ARID2: variants seen among roughly 807,000 people sequenced by gnomAD.
ARID2 encodes AT-rich interaction domain 2.
In ARID2, 32 loss-of-function variants were observed where a neutral mutation model predicts 184.6. The ratio of observed to expected loss-of-function variants is 0.17; its 90% CI spans 0.13 to 0.23. The LOEUF (loss-of-function observed/expected upper bound fraction) is 0.23, where lower values mean the gene tolerates loss of function less well. ARID2 is among the 10% of genes least tolerant of loss of function. ARID2 has a pLI of 1.00. For synonymous variants in ARID2, 836 were observed against 772.6 expected (o/e 1.08, Z -1.36); for missense variants, 1,696 against 2,197.6 (o/e 0.77, Z 4.56).
At chr12:45,845,724 TGGAGCTTGCCTAG>T (rs1277503164) in intron 11 of ARID2, among the ~76,000 whole-genome samples, 1 of 152,202 alleles carries the variant, frequency 6.6e-6, no homozygotes, top group Non-Finnish European at 1.5e-5. Context: ...GGCTGTACTA[TGGAGCTTGCCTAG>T]TTCCAATAAT....
intron 3 of ARID2, among the ~76,000 whole-genome samples, chr12:45,738,333 G>A (rs2137973905): frequency 6.6e-6 from 1 of 151,932 alleles, no homozygotes; most frequent in Non-Finnish European, 1.5e-5. Flanking sequence ...ATTTATTTTT[G>A]AGACGGAGTT....
intron 3 of ARID2, among the ~76,000 whole-genome samples, chr12:45,751,072 C>T (rs10880855): frequency 0.48 from 72,540 of 151,892 alleles, 17,579 homozygotes; most frequent in Admixed American, 0.56. Flanking sequence ...AATTATTTCC[C>T]CTTTAGAGTG....
At chr12:45,796,878 A>G (rs1289728090) in intron 3 of ARID2, among the ~76,000 whole-genome samples, 4 of 152,170 alleles carry the variant, frequency 2.6e-5, no homozygotes, top group Non-Finnish European at 4.4e-5. Context: ...TCATGTTTTT[A>G]ATGCTTTTAT....
chr12:45,847,004 T>A, intron 12 of ARID2, 67 bp downstream of exon 12: 3 of 1,394,608 alleles, frequency 2.2e-6, no homozygotes, highest in Non-Finnish European at 3.0e-6. Flanking sequence ...AAAGGAAATG[T>A]ATTCTACAGA....
At chr12:45,788,964 C>G (rs1942244521) in intron 3 of ARID2, among the ~76,000 whole-genome samples, 1 of 152,140 alleles carries the variant, frequency 6.6e-6, no homozygotes, top group South Asian at 2.1e-4. Flanking sequence ...AAAATAGAAT[C>G]TGTTCATTTG....
chr12:45,882,548 A>T (rs775593722), intron 16 of ARID2, among the ~76,000 whole-genome samples: 3 of 152,270 alleles, frequency 2.0e-5, no homozygotes, highest in Admixed American at 2.0e-4. Flanking sequence ...AGACGAGCTG[A>T]ATGTTACACA....
Position 45,839,265 on chromosome 12 carries a change from C to A in ARID2, c.1331-64C>A, listed in dbSNP as rs529911098. 17 of 1,408,098 alleles carry A rather than the reference C, an allele frequency of 1.2e-5. No individual in the cohort carries two copies. In the African/African-American group the frequency reaches 2.2e-4, roughly 18 times the overall value. 87.2% of individuals were successfully genotyped at this position (1,408,098 alleles called of 1,614,324 possible). ...ATAAGTATTCTGTACAACATGTGTT[C>A]ACCAGTGATGGCATTCATTTATAAT... On this transcript the variant is annotated intron_variant, in intron 10 of 20. Coordinates refer to ENST00000334344, the MANE Select transcript of ARID2 (RefSeq NM_152641.4).
chr12:45,802,882 G>A (rs569596486), intron 3 of ARID2, among the ~76,000 whole-genome samples: 2 of 152,020 alleles, frequency 1.3e-5, no homozygotes, highest in South Asian at 2.1e-4. Flanking sequence ...TGCCACGTTC[G>A]TCTGCCTGTG....
At chr12:45,848,812 TG>T in intron 12 of ARID2, 23 bp from the exon 13 acceptor site, 1 of 1,600,428 alleles carries the variant, frequency 6.2e-7, no homozygotes. Context: ...TATTGTATAA[TG>T]CTTAATTTTT....
intron 3 of ARID2, among the ~76,000 whole-genome samples, chr12:45,743,712 G>A (rs1470855016): frequency 6.6e-6 from 1 of 152,136 alleles, no homozygotes; most frequent in Admixed American, 6.5e-5. Flanking sequence ...TAAGTTGGAG[G>A]ACTGATTTTG....
intron 16 of ARID2, chr12:45,881,817 C>T (rs1051196290): frequency 2.2e-5 from 5 of 222,276 alleles, no homozygotes; most frequent in Non-Finnish European, 3.5e-5. Context: ...GTTCCTGTGC[C>T]CCTTTTTTTC....
At chr12:45,897,238 A>T (rs528930627) in intron 20 of ARID2, among the ~76,000 whole-genome samples, 1 of 152,364 alleles carries the variant, frequency 6.6e-6, no homozygotes, top group East Asian at 1.9e-4. Flanking sequence ...ACATCAAAAC[A>T]ATGAAGTTGG....
Position 45,868,551 on chromosome 12 carries a change from G to A in ARID2, c.4922+7602G>A, listed in dbSNP as rs549511350. Among the ~76,000 whole-genome samples the A allele has an allele frequency of 5.3e-5, 8 of 152,220 alleles. No individual in the cohort carries two copies. The East Asian group carries it at 1.2e-3, about 22-fold the overall frequency. ...TTTAAATCTTAATGGTTTTCATGTC[G>A]TGCTTAGAAAGACCTTTTCAACTTT... On this transcript the variant is annotated intron_variant, in intron 16 of 20. Transcript: ENST00000334344.
intron 16 of ARID2, among the ~76,000 whole-genome samples, chr12:45,887,764 C>T (rs544321901): frequency 5.9e-5 from 9 of 152,304 alleles, no homozygotes; most frequent in African/African-American, 2.2e-4. Flanking sequence ...GCACGAACTT[C>T]CCGAGGCTCC....
intron 3 of ARID2, among the ~76,000 whole-genome samples, chr12:45,802,709 C>A (rs1487461660): frequency 6.6e-6 from 1 of 151,912 alleles, no homozygotes; most frequent in African/African-American, 2.4e-5. Context: ...CTTACACCAC[C>A]AAGAAACACT....
At chr12:45,883,824 A>G (rs1041570307) in intron 16 of ARID2, among the ~76,000 whole-genome samples, 1 of 152,192 alleles carries the variant, frequency 6.6e-6, no homozygotes, top group East Asian at 1.9e-4. Context: ...AGTCATGGGA[A>G]TCAAATAAGA....
intron 15 of ARID2, among the ~76,000 whole-genome samples, chr12:45,856,307 TC>T (rs1943649498): frequency 6.6e-6 from 1 of 151,946 alleles, no homozygotes. Context: ...GACCTCGTGA[TC>T]CGCCCACCTC....
At position 45,907,455 on chromosome 12, in the gene ARID2, T is replaced by A. The variant is rs1427885418; in HGVS notation, c.*2377T>A. The A allele has an allele frequency of 4.3e-6, 1 of 233,300 alleles. No individual in the cohort carries two copies. The allele number at this position is 233,300 out of a possible 1,614,324, so 14.5% of individuals were successfully genotyped here. On this transcript the variant is annotated 3_prime_UTR_variant, in exon 21 of 21. Coordinates refer to ENST00000334344, the MANE Select transcript of ARID2 (RefSeq NM_152641.4). ...TGCTGTAGTTCTAGCTTTTCTGCTA[T>A]AATATGTAAATATGACTGTAGCCTT... is the stretch of plus-strand genomic sequence containing the variant.
intron 3 of ARID2, among the ~76,000 whole-genome samples, chr12:45,783,425 A>G (rs1305335344): frequency 1.3e-5 from 2 of 152,238 alleles, no homozygotes; most frequent in African/African-American, 4.8e-5. Flanking sequence ...ATAAATTGAT[A>G]GAGTATTTAA....
Sources: gnomAD v4.1 joint callset for allele counts (sites outside exome capture counted in the v4.1 genomes callset) on GRCh38, gnomAD v4.1.1 for gene constraint, MANE v1.5 for transcripts, NCBI Gene and HGNC (gene_info 2026-07-23, HGNC 2026-07-21) for gene names.